Variants in HOMER1 observed in about 807,000 individuals in gnomAD.
HOMER1 encodes homer scaffold protein 1, also known as homer protein homolog 1.
HOMER1 carries 3 observed loss-of-function variants against 48.9 expected under a neutral mutation model. The observed-to-expected ratio is 0.06, with a 90% confidence interval of 0.03 to 0.16. The LOEUF (loss-of-function observed/expected upper bound fraction) is 0.16. Ranked by LOEUF, HOMER1 falls within the 10% of genes least tolerant of loss-of-function variation. The probability of loss-of-function intolerance (pLI) is 1.00; values close to 1 mark genes in which losing one functional copy is unlikely to be tolerated. For missense variants in HOMER1, 247 were observed against 411.4 expected, an observed-to-expected ratio of 0.60 and a Z score of 3.46; for synonymous variants, 134 against 146.4, an observed-to-expected ratio of 0.92 and a Z score of 0.61.
chr5:79,478,839 C>G (rs1751865252), intron 1 of HOMER1, among the ~76,000 whole-genome samples: 1 of 152,130 alleles, frequency 6.6e-6, no homozygotes, highest in Non-Finnish European at 1.5e-5. Context: ...GTAATCCCAG[C>G]TACTTAGGAG....
intron 1 of HOMER1, among the ~76,000 whole-genome samples, chr5:79,502,954 C>T (rs1227396691): frequency 2.0e-5 from 3 of 150,694 alleles, no homozygotes; most frequent in Non-Finnish European, 4.4e-5. Flanking sequence ...CCACGCCCGG[C>T]TAATTTTTTG....
intron 4 of HOMER1, 51 bp downstream of exon 4, chr5:79,447,002 T>C (rs2112287609): frequency 9.1e-7 from 1 of 1,100,238 alleles, no homozygotes; most frequent in Non-Finnish European, 1.4e-6. Context: ...ATGAAGGATA[T>C]TATCTGAAAT....
chr5:79,464,054 T>A (rs142077591), intron 1 of HOMER1, among the ~76,000 whole-genome samples: 125 of 152,348 alleles, frequency 8.2e-4, no homozygotes, highest in African/African-American at 3.0e-3. Context: ...TTGTTTAATT[T>A]TTCTTAACCT....
intron 5 of HOMER1, among the ~76,000 whole-genome samples, chr5:79,428,224 TAATC>T (rs539230319): frequency 1.1e-4 from 16 of 152,174 alleles, no homozygotes; most frequent in Non-Finnish European, 2.2e-4. Flanking sequence ...AGGAAATCAT[TAATC>T]AATAGGAACA....
chr5:79,482,532 A>G (rs1751976099), intron 1 of HOMER1, among the ~76,000 whole-genome samples: 1 of 152,160 alleles, frequency 6.6e-6, no homozygotes, highest in African/African-American at 2.4e-5. Flanking sequence ...ATAAGGCATT[A>G]CAGAAAAAAA....
intron 1 of HOMER1, among the ~76,000 whole-genome samples, chr5:79,501,865 A>G (rs974556240): frequency 2.0e-5 from 3 of 152,190 alleles, no homozygotes; most frequent in African/African-American, 7.2e-5. Context: ...AACTGACAAG[A>G]GAAATACTCC....
At chr5:79,471,341 T>A (rs1751609114) in intron 1 of HOMER1, among the ~76,000 whole-genome samples, 1 of 148,652 alleles carries the variant, frequency 6.7e-6, no homozygotes, top group Non-Finnish European at 1.5e-5. Context: ...AGGTCAGGAG[T>A]TCAAGACAGC....
At chr5:79,429,316 A>C (rs964728368) in intron 5 of HOMER1, among the ~76,000 whole-genome samples, 11 of 152,220 alleles carry the variant, frequency 7.2e-5, no homozygotes, top group Non-Finnish European at 4.4e-5. Flanking sequence ...CAGAGGTTGC[A>C]GTGAGCCAAG....
chr5:79,493,058 A>C (rs1225126045), intron 1 of HOMER1, among the ~76,000 whole-genome samples: 1 of 151,842 alleles, frequency 6.6e-6, no homozygotes, highest in African/African-American at 2.4e-5. Flanking sequence ...AGCTGGAACT[A>C]CAGGCATGCA....
chr5:79,398,228 TG>T (rs1749438760), intron 6 of HOMER1, among the ~76,000 whole-genome samples: 1 of 152,076 alleles, frequency 6.6e-6, no homozygotes, highest in Non-Finnish European at 1.5e-5. Flanking sequence ...TGGTATTTTT[TG>T]AGAGAACAGA....
chr5:79,463,464 C>T (rs1418861223), intron 1 of HOMER1, among the ~76,000 whole-genome samples: 2 of 152,182 alleles, frequency 1.3e-5, no homozygotes, highest in Non-Finnish European at 2.9e-5. Context: ...TCGATAATAG[C>T]ATACGGAAAA....
intron 8 of HOMER1, among the ~76,000 whole-genome samples, chr5:79,392,963 G>T (rs1423478674): frequency 6.7e-6 from 1 of 150,328 alleles, no homozygotes; most frequent in Non-Finnish European, 1.5e-5. Context: ...GGGAGAGAGA[G>T]AGAGAGAGAG....
intron 3 of HOMER1, among the ~76,000 whole-genome samples, chr5:79,449,464 G>GATA (rs56790711): frequency 0.57 from 86,398 of 151,718 alleles, 26,253 homozygotes; most frequent in African/African-American, 0.77. Flanking sequence ...AAACCAAAAT[G>GATA]ATATTTGTTT....
intron 8 of HOMER1, among the ~76,000 whole-genome samples, chr5:79,383,000 TA>T (rs1161815563): frequency 6.6e-6 from 1 of 152,140 alleles, no homozygotes; most frequent in Non-Finnish European, 1.5e-5. Context: ...ACTTTACTTG[TA>T]AAAAGGCTTA....
chr5:79,381,962 A>G (rs1748994407), intron 8 of HOMER1, among the ~76,000 whole-genome samples: 1 of 152,180 alleles, frequency 6.6e-6, no homozygotes, highest in Non-Finnish European at 1.5e-5. Context: ...GATATACACT[A>G]TAAAAAAGAA....
chr5:79,438,894 AAGTC>A, intron 5 of HOMER1, 112 bp downstream of exon 5: 2 of 774,368 alleles, frequency 2.6e-6, no homozygotes, highest in Non-Finnish European at 4.0e-6. Flanking sequence ...AAAAAAAAAA[AAGTC>A]AAAGTCAACC....
intron 1 of HOMER1, chr5:79,510,427 TGCAGACATG>T (rs2112388000): frequency 1.5e-6 from 1 of 664,676 alleles, no homozygotes; most frequent in South Asian, 1.4e-5. Context: ...CGCCTTAAGG[TGCAGACATG>T]GCCAAGTCCA....
intron 1 of HOMER1, among the ~76,000 whole-genome samples, chr5:79,470,335 G>T (rs1751583310): frequency 6.6e-6 from 1 of 152,138 alleles, no homozygotes; most frequent in South Asian, 2.1e-4. Context: ...CTTGTTCCAA[G>T]AAACTTTCAG....
chr5:79,484,853 T>C (rs1752052841), intron 1 of HOMER1, among the ~76,000 whole-genome samples: 3 of 152,180 alleles, frequency 2.0e-5, no homozygotes, highest in African/African-American at 7.2e-5. Flanking sequence ...GTGAATGAAA[T>C]TCTTTTAAAA....
Sources: allele counts gnomAD v4.1 joint callset (sites outside exome capture counted in the v4.1 genomes callset), GRCh38; gene constraint gnomAD v4.1.1; transcripts MANE v1.5; gene names NCBI Gene and HGNC (gene_info 2026-07-23, HGNC 2026-07-21).